LTBP4: variants seen among roughly 807,000 people sequenced by gnomAD.
LTBP4 encodes the protein latent transforming growth factor beta binding protein 4.
In LTBP4, 93 loss-of-function variants were observed where a neutral mutation model predicts 180.2. That is an observed-to-expected ratio of 0.52 (90% CI 0.44 to 0.61). The LOEUF is 0.61. LTBP4 is among the 20% of genes least tolerant of loss of function. LTBP4 has a pLI of 0.00. For synonymous variants in LTBP4, 947 were observed against 934.5 expected (o/e 1.01, Z -0.24); for missense variants, 2,116 against 2,256.5 (o/e 0.94, Z 1.26).
Position 40,612,203 on chromosome 19 carries a change from G to A in LTBP4, c.2299+11G>A, listed in dbSNP as rs1236333463. Reference sequence around the variant, plus strand: ...GTGGCAGATGCACTGGTGAGACCAGGCCCTGGCTGTGACCTTGGGCCTGCA... The same window carrying A: ...GTGGCAGATGCACTGGTGAGACCAGACCCTGGCTGTGACCTTGGGCCTGCA... On this transcript the variant is annotated intron_variant, in intron 15 of 29. Coordinates refer to ENST00000396819, the MANE Select transcript of LTBP4 (RefSeq NM_001042545.2). The A allele has an allele frequency of 6.3e-7, 1 of 1,588,608 alleles. No homozygotes were observed. Among genetic ancestry groups the A allele is most frequent in the Non-Finnish European group, 8.6e-7 (1 of 1,168,048 alleles).
intron 1 of LTBP4, among the ~76,000 whole-genome samples, chr19:40,593,770 T>G (rs971705178): frequency 2.6e-5 from 4 of 151,746 alleles, no homozygotes; most frequent in Non-Finnish European, 5.9e-5. Flanking sequence ...CTATTCTTAT[T>G]TCATGTTTAA....
At chr19:40,610,035 G>A in intron 11 of LTBP4, 164 bp downstream of exon 11, 1 of 967,364 alleles carries the variant, frequency 1.0e-6, no homozygotes, top group Non-Finnish European at 1.5e-6. Context: ...CCTCCACCCA[G>A]CTCCAGCCTC....
intron 19 of LTBP4, among the ~76,000 whole-genome samples, chr19:40,615,757 A>C (rs922357748): frequency 1.3e-5 from 2 of 149,626 alleles, no homozygotes; most frequent in East Asian, 4.9e-4. Flanking sequence ...AGATTGTCTC[A>C]AAAAAAAAAT....
At chr19:40,626,867 C>G in intron 27 of LTBP4, 108 bp from the exon 28 acceptor site, 2 of 1,372,254 alleles carry the variant, frequency 1.5e-6, no homozygotes, top group Non-Finnish European at 9.5e-7. Context: ...CGGGGCCACC[C>G]AGGACCCTCC....
At position 40,609,096 on chromosome 19, in the gene LTBP4, G is replaced by A. The variant is rs895384317; in HGVS notation, c.1427-434G>A. ...ACAGTTGGGCTCTTCTGTGTCAATC[G>A]AGCAAGCCATTTAACCTCTGAGACT... On this transcript the variant is annotated intron_variant, in intron 9 of 29. Coordinates refer to ENST00000396819, the MANE Select transcript of LTBP4 (RefSeq NM_001042545.2). This position sits in a 1 kb window ranked among gnomAD's most constrained non-coding sequence, Gnocchi z 4.9. Among the ~76,000 whole-genome samples, 61 of 152,050 alleles carry A rather than the reference G, an allele frequency of 4.0e-4. No individual in the cohort carries two copies. Among genetic ancestry groups the A allele is most frequent in the African/African-American group, 1.3e-3 (54 of 41,376 alleles).
At chr19:40,610,291 C>T (rs2146027940) in intron 11 of LTBP4, 1 of 558,468 alleles carries the variant, frequency 1.8e-6, no homozygotes, top group Non-Finnish European at 3.2e-6. Context: ...CTTCTCTAGC[C>T]CCTACCCCAC....
intron 24 of LTBP4, among the ~76,000 whole-genome samples, chr19:40,623,359 G>A (rs2081600750): frequency 6.6e-6 from 1 of 151,918 alleles, no homozygotes; most frequent in South Asian, 2.1e-4. Flanking sequence ...ATTTTTAGTA[G>A]AGACAGGGTT....
chr19:40,614,109 C>T (rs1468103657), intron 18 of LTBP4, 71 bp downstream of exon 18: 11 of 1,587,338 alleles, frequency 6.9e-6, no homozygotes, highest in Non-Finnish European at 8.6e-6. Context: ...CCTCCCACCT[C>T]TGTCTTTCCT....
intron 15 of LTBP4, 76 bp from the exon 16 acceptor site, chr19:40,612,989 A>C: frequency 2.8e-6 from 4 of 1,429,216 alleles, no homozygotes; most frequent in East Asian, 2.6e-5. Flanking sequence ...CACCTCCCCC[A>C]GACACCCTAC....
At position 40,623,657 on chromosome 19, in the gene LTBP4, G is replaced by C; in HGVS notation, c.3610G>C (p.Val1204Leu). The C allele has an allele frequency of 6.2e-7, 1 of 1,613,856 alleles. No homozygotes were observed. The highest frequency in any genetic ancestry group is 8.5e-7 in the Non-Finnish European group (1 of 1,179,894). The change falls in exon 25 of 30, where the codon GTG becomes CTG. Residue 1204 changes from valine to leucine, a missense_variant. Val to Leu is a conservative substitution (Grantham distance 32, BLOSUM62 1). Around this residue, in one of 5 missense-constraint regions of LTBP4, gnomAD observed 278 missense variants for 373.0 expected, o/e 0.75. Coordinates refer to ENST00000396819, the MANE Select transcript of LTBP4 (RefSeq NM_001042545.2). Reference sequence around the variant, plus strand: ...CCAGGTGTGCAAGAGTGGCGTGTGTGTGAACACGGCCCCGGGCTACTCATG... The same window carrying C: ...CCAGGTGTGCAAGAGTGGCGTGTGTCTGAACACGGCCCCGGGCTACTCATG... ...RDQVCKSGVC[V>L]NTAPGYSCYC...
chr19:40,622,812 G>A lies in LTBP4; in HGVS notation c.3485-138G>A, dbSNP rs1196416211. The A allele has an allele frequency of 2.2e-6, 3 of 1,384,346 alleles. No individual in the cohort carries two copies. Among genetic ancestry groups the A allele is most frequent in the South Asian group, 1.4e-5 (1 of 72,634 alleles). The allele number at this position is 1,384,346 out of a possible 1,614,324, so 85.8% of individuals were successfully genotyped here. ...CAAGGGCGAGCTGCCAGGCAGGTGG[G>A]CATGGGCAGACATAAGGCTGAGAGG... On this transcript the variant is annotated intron_variant, in intron 23 of 29. Transcript: ENST00000396819. This position sits in a 1 kb window ranked among gnomAD's most constrained non-coding sequence, Gnocchi z 5.1.
In LTBP4 at chr19:40,629,707, C is replaced by T. The variant is rs902417292; in HGVS notation, c.*157C>T. ...AAGCTGCGACGCCCTGCACTGCTCC[C>T]GCCTCCACCAGCGCCTCCCACTGAT... is the stretch of plus-strand genomic sequence containing the variant. On this transcript the variant is annotated 3_prime_UTR_variant, in exon 30 of 30. Transcript: ENST00000396819. This position sits in a 1 kb window ranked among gnomAD's most constrained non-coding sequence, Gnocchi z 4.5. 3 of 698,568 alleles carry T rather than the reference C, an allele frequency of 4.3e-6. No individual in the cohort carries two copies. The highest frequency in any genetic ancestry group is 3.8e-5 in the African/African-American group (2 of 52,740). The allele number at this position is 698,568 out of a possible 1,614,324, so 43.3% of individuals were successfully genotyped here.
upstream of LTBP4, chr19:40,601,290 GGGGCGCGGGCGACCTCCCCCGC>G: frequency 2.2e-6 from 2 of 924,602 alleles, no homozygotes; most frequent in Non-Finnish European, 2.6e-6. Context: ...GGCCTGAGCG[GGGGCGCGGGCGACCTCCCCCGC>G]GGGCGGGCGG....
At chr19:40,601,172 G>C (rs570842745), upstream of LTBP4, among the ~76,000 whole-genome samples, 47 of 152,120 alleles carry the variant, frequency 3.1e-4, no homozygotes, top group Non-Finnish European at 6.3e-4. Flanking sequence ...CAGAGGGGGC[G>C]CCCCGCTCAC....
intron 7 of LTBP4, among the ~76,000 whole-genome samples, chr19:40,607,761 C>T (rs1476483456): frequency 1.3e-5 from 2 of 152,200 alleles, no homozygotes; most frequent in African/African-American, 4.8e-5. Flanking sequence ...CCCGGAGCTC[C>T]CAAGTTAGTT....
chr19:40,623,671 G>C lies in LTBP4; in HGVS notation c.3624G>C (p.Pro1208=). The C allele has an allele frequency of 6.2e-7, 1 of 1,613,642 alleles. No individual in the cohort carries two copies. The highest frequency in any genetic ancestry group is 1.1e-5 in the South Asian group (1 of 91,052). The change falls in exon 25 of 30, where the codon CCG becomes CCC. Residue 1208 remains proline (P), a synonymous_variant. Coordinates refer to ENST00000396819, the MANE Select transcript of LTBP4 (RefSeq NM_001042545.2). ...GTGGCGTGTGTGTGAACACGGCCCC[G>C]GGCTACTCATGCTATTGCAGCAACG... The part of the protein sequence containing the change: ...CKSGVCVNTA[P]GYSCYCSNGY...
chr19:40,614,135 T>G, intron 18 of LTBP4, 97 bp downstream of exon 18: 1 of 1,493,188 alleles, frequency 6.7e-7, no homozygotes, highest in Non-Finnish European at 9.0e-7. Context: ...GCTTCTCCCC[T>G]CCCCTTACCT....
rs1316360990 is a variant in LTBP4 at position 40,616,946 on chromosome 19, A to G, written c.2870A>G (p.Asn957Ser). The change falls in exon 20 of 30, where the codon AAC (asparagine) becomes AGC (serine). Residue 957 changes from asparagine to serine, a missense_variant. Physicochemically the swap from Asn to Ser is conservative, Grantham distance 46. Around this residue, in one of 5 missense-constraint regions of LTBP4, gnomAD observed 877 missense variants for 873.6 expected, o/e 1.00. Transcript: ENST00000396819. ...ATTTGTGGAGCCCAGCGTTGTGAGAACACCCCTGGCTCCTACCGCTGCACA... is the reference window on the plus strand; with the variant it reads ...ATTTGTGGAGCCCAGCGTTGTGAGAGCACCCCTGGCTCCTACCGCTGCACA... ...PEICGAQRCE[N>S]TPGSYRCTPA... 6.2e-7 allele frequency: 1 copy of G among 1,613,936 alleles called. No individual in the cohort carries two copies. The highest frequency in any genetic ancestry group is 2.2e-5 in the East Asian group (1 of 44,876).
chr19:40,625,285 TATATATATATATATATA>T (rs2081620826), intron 26 of LTBP4, among the ~76,000 whole-genome samples: 8 of 9,284 alleles, frequency 8.6e-4, no homozygotes, highest in African/African-American at 8.4e-3. Flanking sequence ...TATATATATA[TATATATATATATATATA>T]TATATATATA....
Sources: allele counts gnomAD v4.1 joint callset (sites outside exome capture counted in the v4.1 genomes callset), GRCh38; gene constraint gnomAD v4.1.1; regional missense constraint gnomAD v4.1.1; non-coding constraint Gnocchi (gnomAD v3.1); transcripts MANE v1.5; gene names NCBI Gene and HGNC (gene_info 2026-07-23, HGNC 2026-07-21).